Variants in GXYLT1 observed in about 807,000 individuals in gnomAD.
The protein encoded by GXYLT1 is glycosyltransferase 8 domain containing 3.
In GXYLT1, 29 loss-of-function variants were observed where a neutral mutation model predicts 54.0. That is an observed-to-expected ratio of 0.54 (90% CI 0.40 to 0.73). GXYLT1 has a LOEUF of 0.73. Among genes scored for constraint, GXYLT1 ranks in the 30% least tolerant of loss-of-function variants. GXYLT1 has a pLI of 0.00. For missense variants in GXYLT1, 490 were observed against 553.4 expected, an observed-to-expected ratio of 0.89 and a Z score of 1.15; for synonymous variants, 176 against 204.1, an observed-to-expected ratio of 0.86 and a Z score of 1.17.
intron 2 of GXYLT1, among the ~76,000 whole-genome samples, chr12:42,125,514 C>T (rs1172394262): frequency 6.6e-6 from 1 of 152,022 alleles, no homozygotes; most frequent in African/African-American, 2.4e-5. Context: ...TAGAGGAGTC[C>T]AGGAGGAGAG....
intron 1 of GXYLT1, among the ~76,000 whole-genome samples, chr12:42,142,770 A>G (rs1217796999): frequency 6.6e-6 from 1 of 152,192 alleles, no homozygotes. Flanking sequence ...TTCACAATCC[A>G]ACTTTTCCAC....
chr12:42,117,710 G>A (rs914802535), intron 3 of GXYLT1, among the ~76,000 whole-genome samples: 1 of 152,128 alleles, frequency 6.6e-6, no homozygotes, highest in Non-Finnish European at 1.5e-5. Context: ...GAGATTTCAG[G>A]TGAGTTTTCT....
chr12:42,097,859 A>G (rs2065365315), intron 6 of GXYLT1, 51 bp downstream of exon 6: 2 of 1,354,094 alleles, frequency 1.5e-6, no homozygotes, highest in South Asian at 2.6e-5. Context: ...TTTTTCACTA[A>G]GTATTATCTG....
chr12:42,101,786 G>C (rs995480885), intron 5 of GXYLT1, among the ~76,000 whole-genome samples: 24 of 152,188 alleles, frequency 1.6e-4, no homozygotes, highest in African/African-American at 4.8e-4. Context: ...TAGCCAGGCT[G>C]GTCTAGGACT....
intron 3 of GXYLT1, among the ~76,000 whole-genome samples, chr12:42,111,207 G>A (rs375245893): frequency 2.8e-4 from 42 of 152,324 alleles, no homozygotes; most frequent in African/African-American, 9.9e-4. Context: ...CGTCAGCAAC[G>A]CAGAAGACAG....
intron 4 of GXYLT1, among the ~76,000 whole-genome samples, chr12:42,107,335 A>G (rs2065427152): frequency 6.6e-6 from 1 of 152,098 alleles, no homozygotes; most frequent in African/African-American, 2.4e-5. Flanking sequence ...GGGCAAAAAA[A>G]TCTGATGGCT....
At chr12:42,100,509 G>A (rs760654410) in intron 5 of GXYLT1, among the ~76,000 whole-genome samples, 3 of 149,416 alleles carry the variant, frequency 2.0e-5, no homozygotes, top group Non-Finnish European at 3.0e-5. Context: ...ATTCAGTGAC[G>A]ATATAAACAA....
chr12:42,107,878 A>G (rs896750821), intron 4 of GXYLT1, among the ~76,000 whole-genome samples: 3 of 152,194 alleles, frequency 2.0e-5, no homozygotes, highest in Non-Finnish European at 1.5e-5. Context: ...CAATGCTGGG[A>G]GCCACTACCA....
intron 5 of GXYLT1, 85 bp downstream of exon 5, chr12:42,105,733 A>T: frequency 2.2e-6 from 2 of 895,646 alleles, no homozygotes; most frequent in Non-Finnish European, 3.4e-6. Context: ...AGTTCAATTT[A>T]GTTTTTAATA....
At chr12:42,130,878 TTGATGTTGCAA>T (rs2065590228) in intron 1 of GXYLT1, among the ~76,000 whole-genome samples, 1 of 152,054 alleles carries the variant, frequency 6.6e-6, no homozygotes, top group African/African-American at 2.4e-5. Flanking sequence ...GCCCAGGAGT[TTGATGTTGCAA>T]TAAGCTGTGA....
chr12:42,107,842 G>A (rs2065430211), intron 4 of GXYLT1, among the ~76,000 whole-genome samples: 1 of 152,118 alleles, frequency 6.6e-6, no homozygotes, highest in African/African-American at 2.4e-5. Context: ...AGCAGAGTAG[G>A]AAGAAGCTAC....
Position 42,086,032 on chromosome 12 carries a change from A to C in GXYLT1, c.*1754T>G, listed in dbSNP as rs2065291186. ...GCCAGAGTCTCCAAAGGCCTAGCTC[A>C]GGAATCTATTCTTAAGCTCCCAACA... On this transcript the variant is annotated 3_prime_UTR_variant, in exon 8 of 8. Transcript: ENST00000398675. 1 of 152,182 alleles carries C rather than the reference A, an allele frequency of 6.6e-6. No individual in the cohort carries two copies. Among genetic ancestry groups the C allele is most frequent in the Non-Finnish European group, 1.5e-5 (1 of 68,022 alleles). The allele number at this position is 152,182 out of a possible 1,614,324, so 9.4% of individuals were successfully genotyped here.
chr12:42,100,165 A>C (rs2065381591), intron 5 of GXYLT1, among the ~76,000 whole-genome samples: 1 of 152,204 alleles, frequency 6.6e-6, no homozygotes, highest in South Asian at 2.1e-4. Flanking sequence ...GGTAGAAGTG[A>C]ATACCGGGCC....
Position 42,144,515 on chromosome 12 carries a change from C to A in GXYLT1, c.132G>T (p.Ala44=). Residue 44 remains alanine (A), a synonymous_variant, in exon 1 of 8, where the codon GCG becomes GCT. Transcript: ENST00000398675. ...CGCCGCCCGCGAGCCAGGAAGCCAC[C>A]GCGGCCTGCGGCTTCCCGCCACCGC... ...TGGGGGKPQA[A]VASWLAGGGR... The A allele has an allele frequency of 1.4e-6, 2 of 1,421,254 alleles. No homozygotes were observed. The highest frequency in any genetic ancestry group is 1.5e-5 in the African/African-American group (1 of 67,520). The allele number at this position is 1,421,254 out of a possible 1,614,324, so 88.0% of individuals were successfully genotyped here.
intron 3 of GXYLT1, among the ~76,000 whole-genome samples, chr12:42,117,389 T>C (rs1179033550): frequency 6.6e-6 from 1 of 152,130 alleles, no homozygotes; most frequent in Non-Finnish European, 1.5e-5. Context: ...TATACTTTCA[T>C]ATACCACTTA....
Position 42,097,674 on chromosome 12 carries a change from T to C in GXYLT1, c.989-60A>G. Reference sequence around the variant, plus strand: ...ACCCCTAATTCCACAGATGTAACATTATGCAAAACTTTCAGTTAAAAAATA... The same window carrying C: ...ACCCCTAATTCCACAGATGTAACATCATGCAAAACTTTCAGTTAAAAAATA... On this transcript the variant is annotated intron_variant, in intron 6 of 7. Transcript: ENST00000398675. 2.1e-6 allele frequency: 3 copies of C among 1,414,242 alleles called. No individual in the cohort carries two copies. In the South Asian group the frequency reaches 3.8e-5, roughly 18 times the overall value. The allele number at this position is 1,414,242 out of a possible 1,614,324, so 87.6% of individuals were successfully genotyped here. A position where few individuals can be genotyped will look rare whatever the true frequency, so the allele number is the denominator to read the frequency against.
At chr12:42,090,585 C>T (rs2065323919) in intron 7 of GXYLT1, among the ~76,000 whole-genome samples, 1 of 152,170 alleles carries the variant, frequency 6.6e-6, no homozygotes. Context: ...AGTTGAACGA[C>T]ATGAAATAGT....
At chr12:42,092,699 A>G (rs1281887229) in intron 7 of GXYLT1, among the ~76,000 whole-genome samples, 1 of 152,204 alleles carries the variant, frequency 6.6e-6, no homozygotes, top group African/African-American at 2.4e-5. Context: ...AAAAGCAACA[A>G]AAAGACAATA....
chr12:42,105,840 C>A lies in GXYLT1; in HGVS notation c.842G>T (p.Arg281Leu). 1.9e-6 allele frequency: 3 copies of A among 1,611,912 alleles called. No individual in the cohort carries two copies. The highest frequency in any genetic ancestry group is 2.5e-6 in the Non-Finnish European group (3 of 1,178,856). Residue 281 changes from arginine to leucine, a missense_variant, in exon 5 of 8, where the codon CGA becomes CTA. Arg to Leu is a moderately radical substitution (Grantham distance 102, BLOSUM62 -2). This residue lies in a region of GXYLT1 where 342 missense variants were observed against 342.6 expected (regional missense o/e 1.00). Coordinates refer to ENST00000398675, the MANE Select transcript of GXYLT1 (RefSeq NM_173601.2). ...TACCTTGAAATACTTCCTTCTCATT[C>A]GAGTCATGTTCATCAACATAACTCC... The part of the protein sequence containing the change: ...NSGVMLMNMT[R>L]MRRKYFKNDM...
Sources: gnomAD v4.1 joint callset for allele counts (sites outside exome capture counted in the v4.1 genomes callset) on GRCh38, gnomAD v4.1.1 for gene constraint, gnomAD v4.1.1 regional missense constraint, MANE v1.5 for transcripts, NCBI Gene and HGNC (gene_info 2026-07-23, HGNC 2026-07-21) for gene names.